The following SH3GL3 variants were observed in gnomAD, a reference collection of about 807,000 sequenced individuals.
SH3GL3 encodes endophilin-A3.
Under a neutral mutation model 47.7 loss-of-function variants are expected in SH3GL3, and 33 were observed. The ratio of observed to expected loss-of-function variants is 0.69; its 90% CI spans 0.52 to 0.92. The LOEUF (loss-of-function observed/expected upper bound fraction) is 0.92. SH3GL3 is among the 40% of genes least tolerant of loss of function. The pLI is 0.00. For synonymous variants in SH3GL3, 155 were observed against 148.8 expected (o/e 1.04, Z -0.30); for missense variants, 363 against 417.8 (o/e 0.87, Z 1.14).
intron 1 of SH3GL3, chr15:83,490,855 A>G: frequency 6.2e-7 from 1 of 1,614,196 alleles, no homozygotes; most frequent in Non-Finnish European, 8.5e-7. Context: ...CTTTGCTGGG[A>G]TAATATGCAA....
At chr15:83,469,239 G>T (rs2040720970) in intron 1 of SH3GL3, among the ~76,000 whole-genome samples, 1 of 151,962 alleles carries the variant, frequency 6.6e-6, no homozygotes, top group African/African-American at 2.4e-5. Context: ...TCCTGGTAAA[G>T]GTTTGTCAGT....
intron 8 of SH3GL3, 70 bp from the exon 9 acceptor site, chr15:83,618,012 A>G: frequency 9.2e-7 from 1 of 1,082,108 alleles, no homozygotes; most frequent in Non-Finnish European, 1.4e-6. Context: ...GAGCTTTTCC[A>G]CATTTCCAAT....
chr15:83,522,048 G>T (rs968877994), intron 1 of SH3GL3, among the ~76,000 whole-genome samples: 3 of 152,114 alleles, frequency 2.0e-5, no homozygotes, highest in African/African-American at 7.2e-5. Context: ...GAAATAGTGG[G>T]TTCAGAATTG....
At chr15:83,517,821 G>C (rs948052675) in intron 1 of SH3GL3, among the ~76,000 whole-genome samples, 8 of 152,032 alleles carry the variant, frequency 5.3e-5, no homozygotes, top group African/African-American at 1.7e-4. Flanking sequence ...TGACGCTGAG[G>C]TTTGGGGTAC....
chr15:83,495,762 A>G (rs1280588007), intron 1 of SH3GL3, among the ~76,000 whole-genome samples: 1 of 151,964 alleles, frequency 6.6e-6, no homozygotes, highest in Non-Finnish European at 1.5e-5. Flanking sequence ...GTTGCACTAA[A>G]CATCTTTTTC....
intron 4 of SH3GL3, among the ~76,000 whole-genome samples, chr15:83,571,659 G>A (rs2045822214): frequency 6.6e-6 from 1 of 152,086 alleles, no homozygotes; most frequent in Non-Finnish European, 1.5e-5. Context: ...CTCACCTGGT[G>A]GGTGAAACAA....
intron 1 of SH3GL3, chr15:83,490,629 A>G (rs2041836130): frequency 2.9e-6 from 2 of 687,872 alleles, no homozygotes; most frequent in Admixed American, 6.1e-5. Flanking sequence ...AGCCTGGCAC[A>G]GTATATGACG....
At chr15:83,599,026 G>A (rs1340200334) in intron 8 of SH3GL3, among the ~76,000 whole-genome samples, 1 of 152,090 alleles carries the variant, frequency 6.6e-6, no homozygotes, top group Non-Finnish European at 1.5e-5. Flanking sequence ...TTTGTTGTTT[G>A]TTTTTAAAGA....
rs1426361758 is a variant in SH3GL3, at chr15:83,618,190, A to G, written c.947A>G (p.Asn316Ser). ...GAAGGGGACATCATTACATTAACCA[A>G]TCAAATAGATGAAAACTGGTATGAA... ...FKEGDIITLT[N>S]QIDENWYEGM... Residue 316 changes from asparagine to serine, a missense_variant, in exon 9 of 9, where the codon AAT becomes AGT. Coordinates refer to ENST00000427482, the MANE Select transcript of SH3GL3 (RefSeq NM_003027.5). The G allele has an allele frequency of 1.9e-6, 3 of 1,609,834 alleles. No homozygotes were observed. The highest frequency in any genetic ancestry group is 1.7e-5 in the Admixed American group (1 of 60,014).
chr15:83,536,031 A>C (rs1316257580), intron 1 of SH3GL3, among the ~76,000 whole-genome samples: 1 of 152,246 alleles, frequency 6.6e-6, no homozygotes, highest in African/African-American at 2.4e-5. Context: ...TTTCTGAAAA[A>C]AAGATAGGAT....
chr15:83,615,376 G>A (rs2151851038), intron 8 of SH3GL3, among the ~76,000 whole-genome samples: 1 of 152,244 alleles, frequency 6.6e-6, no homozygotes, highest in East Asian at 1.9e-4. Context: ...GTGTAGTGGT[G>A]TGATCTCAGC....
At chr15:83,560,469 T>TA (rs145290437) in intron 2 of SH3GL3, among the ~76,000 whole-genome samples, 2,444 of 152,166 alleles carry the variant, frequency 0.016, 62 homozygotes, top group African/African-American at 0.056. Context: ...TTAAATTACT[T>TA]AAAAAAAACT....
chr15:83,518,246 A>G (rs1440278279), intron 1 of SH3GL3, among the ~76,000 whole-genome samples: 2 of 152,212 alleles, frequency 1.3e-5, no homozygotes, highest in East Asian at 3.9e-4. Flanking sequence ...TCCTTTGGGT[A>G]TATGCCCAGT....
At chr15:83,575,426 T>G (rs761542893) in intron 5 of SH3GL3, among the ~76,000 whole-genome samples, 4 of 152,238 alleles carry the variant, frequency 2.6e-5, no homozygotes, top group Non-Finnish European at 4.4e-5. Context: ...AATGCCATCT[T>G]GTTACTCAGC....
intron 2 of SH3GL3, among the ~76,000 whole-genome samples, chr15:83,559,936 G>T (rs1322503374): frequency 6.6e-6 from 1 of 152,184 alleles, no homozygotes; most frequent in African/African-American, 2.4e-5. Context: ...GCTTGAGACA[G>T]AAATGATTGT....
At chr15:83,531,650 G>T (rs1362190280) in intron 1 of SH3GL3, among the ~76,000 whole-genome samples, 1 of 152,140 alleles carries the variant, frequency 6.6e-6, no homozygotes, top group Admixed American at 6.5e-5. Context: ...CGGGTGTTTT[G>T]GATAACTCAT....
chr15:83,605,120 A>T (rs1165012540), intron 8 of SH3GL3, among the ~76,000 whole-genome samples: 1 of 152,206 alleles, frequency 6.6e-6, no homozygotes, highest in East Asian at 1.9e-4. Flanking sequence ...GAGATCACAG[A>T]CGTGCAGAAG....
At chr15:83,605,664 G>GT (rs2060495200) in intron 8 of SH3GL3, among the ~76,000 whole-genome samples, 1 of 152,138 alleles carries the variant, frequency 6.6e-6, no homozygotes, top group African/African-American at 2.4e-5. Flanking sequence ...AATGAATAAA[G>GT]TGAGCCAAAA....
At position 83,475,485 on chromosome 15, in the gene SH3GL3, T is replaced by C. The variant is rs576088762; in HGVS notation, c.45+27907T>C. Among the ~76,000 whole-genome samples, 4 of 152,030 alleles carry C rather than the reference T, an allele frequency of 2.6e-5. No individual in the cohort carries two copies. In the East Asian group the frequency reaches 7.7e-4, roughly 29 times the overall value. ...CCGAGTGAGCTTCTGTCTCAATAAA[T>C]AAATCAATAAATAAAATAAAATAAA... On this transcript the variant is annotated intron_variant, in intron 1 of 8. Transcript: ENST00000427482.
Sources: gnomAD v4.1 joint callset for allele counts (sites outside exome capture counted in the v4.1 genomes callset) on GRCh38, gnomAD v4.1.1 for gene constraint, MANE v1.5 for transcripts, NCBI Gene and HGNC (gene_info 2026-07-23, HGNC 2026-07-21) for gene names.